Variants in DIP2A observed in about 807,000 individuals in gnomAD.
The protein encoded by DIP2A is disco-interacting protein 2 homolog A.
In DIP2A, 85 loss-of-function variants were observed where a neutral mutation model predicts 177.4. The ratio of observed to expected loss-of-function variants is 0.48; its 90% CI spans 0.40 to 0.57. DIP2A has a LOEUF of 0.57. Ranked by LOEUF, DIP2A falls within the 20% of genes least tolerant of loss-of-function variation. DIP2A has a pLI of 0.00. For synonymous variants in DIP2A, 886 were observed against 881.8 expected (o/e 1.00, Z -0.08); for missense variants, 1,791 against 2,100.2 (o/e 0.85, Z 2.88).
the DIP2A span, among the ~76,000 whole-genome samples, chr21:46,581,039 T>G: frequency 6.6e-6 from 1 of 152,216 alleles, no homozygotes; most frequent in Non-Finnish European, 1.5e-5. Context: ...GAAGTATGCT[T>G]TCCAACTTGG....
At position 46,497,081 on chromosome 21, in the gene DIP2A, C is replaced by T. The variant is rs375904809; in HGVS notation, c.377C>T (p.Ser126Leu). 82 of 1,613,646 alleles carry T rather than the reference C, an allele frequency of 5.1e-5. No individual in the cohort carries two copies. Among genetic ancestry groups the T allele is most frequent in the Non-Finnish European group, 6.4e-5 (75 of 1,179,836 alleles). ...PSKRRSVLVH[S>L]SVETYTPPDT... ...AAGAGACGTTCTGTCCTTGTGCATTCGTCTGTGGAAACCTACACCCCTCCA... is the reference window on the plus strand; with the variant it reads ...AAGAGACGTTCTGTCCTTGTGCATTTGTCTGTGGAAACCTACACCCCTCCA... Residue 126 changes from serine to leucine, a missense_variant, in exon 4 of 38, where the codon TCG becomes TTG. Ser to Leu is a moderately radical substitution (Grantham distance 145). Coordinates refer to ENST00000417564, the MANE Select transcript of DIP2A (RefSeq NM_015151.4).
intron 8 of DIP2A, among the ~76,000 whole-genome samples, chr21:46,512,895 G>C (rs2330593): frequency 6.6e-6 from 1 of 151,778 alleles, no homozygotes. Context: ...TCCTGGCTAA[G>C]GCAGTCCTCC....
chr21:46,562,409 T>C (rs972912544), intron 34 of DIP2A, among the ~76,000 whole-genome samples: 3 of 152,156 alleles, frequency 2.0e-5, no homozygotes, highest in African/African-American at 4.8e-5. Context: ...AGGCTTGATA[T>C]GAGTCGGGGA....
chr21:46,561,454 A>G (rs2060659786), intron 33 of DIP2A: 1 of 452,434 alleles, frequency 2.2e-6, no homozygotes, highest in Non-Finnish European at 4.1e-6. Context: ...CACTAGGTTT[A>G]GCTTACTGGG....
chr21:46,541,626 T>C, intron 17 of DIP2A, 130 bp from the exon 18 acceptor site: 2 of 1,043,678 alleles, frequency 1.9e-6, no homozygotes, highest in Non-Finnish European at 2.8e-6. Context: ...CTTTAGAACA[T>C]GCGTTTCTCA....
At position 46,534,651 on chromosome 21, in the gene DIP2A, T is replaced by G; in HGVS notation, c.1606T>G (p.Cys536Gly). Residue 536 changes from cysteine to glycine, a missense_variant, in exon 13 of 38, where the codon TGC (cysteine) becomes GGC (glycine). Physicochemically the swap from Cys to Gly is radical, Grantham distance 159. Transcript: ENST00000417564. Reference protein sequence around the residue: ...TVSHASLLAQCRALTQACGYS... With the variant: ...TVSHASLLAQGRALTQACGYS... The stretch of plus-strand genomic sequence containing the variant: ...GTCCCACGCATCCCTGCTGGCACAG[T>G]GCCGGGCTCTGACCCAGGCGTGCGG... The G allele has an allele frequency of 1.2e-6, 2 of 1,611,962 alleles. No individual in the cohort carries two copies. The highest frequency in any genetic ancestry group is 1.7e-6 in the Non-Finnish European group (2 of 1,179,858).
chr21:46,560,366 C>A (rs1255143506), intron 32 of DIP2A, among the ~76,000 whole-genome samples: 1 of 152,244 alleles, frequency 6.6e-6, no homozygotes, highest in Non-Finnish European at 1.5e-5. Context: ...AGGCAAGGCC[C>A]TGCCTGACAG....
intron 15 of DIP2A, among the ~76,000 whole-genome samples, chr21:46,538,246 G>A (rs2059655495): frequency 6.6e-6 from 1 of 152,292 alleles, no homozygotes; most frequent in Non-Finnish European, 1.5e-5. Flanking sequence ...GTTGGAAATG[G>A]ATCTGAGGTT....
At chr21:46,561,328 A>G (rs527498722) in intron 33 of DIP2A, 2 of 323,520 alleles carry the variant, frequency 6.2e-6, no homozygotes, top group South Asian at 5.5e-5. Context: ...ATGGTGGTGC[A>G]TACAGTGTGT....
intron 22 of DIP2A, chr21:46,550,204 C>A: frequency 2.7e-6 from 2 of 741,706 alleles, no homozygotes; most frequent in Non-Finnish European, 4.2e-6. Flanking sequence ...CCAGTCTGTG[C>A]AATATATCTC....
intron 8 of DIP2A, among the ~76,000 whole-genome samples, chr21:46,528,651 C>T (rs759094440): frequency 6.1e-5 from 9 of 147,402 alleles, no homozygotes; most frequent in South Asian, 2.2e-4. Flanking sequence ...TTCAGCCTCC[C>T]GAGCAGCTGG....
chr21:46,515,413 G>A (rs943232079), intron 8 of DIP2A, among the ~76,000 whole-genome samples: 11 of 149,182 alleles, frequency 7.4e-5, no homozygotes, highest in East Asian at 1.9e-4. Context: ...CTTTCTCAGC[G>A]TCTGCTTTGT....
intron 34 of DIP2A, among the ~76,000 whole-genome samples, chr21:46,562,314 C>T (rs768886651): frequency 1.4e-4 from 22 of 152,186 alleles, no homozygotes; most frequent in Non-Finnish European, 2.6e-4. Context: ...GACATAGGCA[C>T]AGAACAGCAT....
rs3061062 is a variant in DIP2A, at chr21:46,524,872, C to CTTTTTTTTT, written c.1103-4196_1103-4188dup. ...TTTCTTTTATGATTTTTGCTTTTTG[C>CTTTTTTTTT]TTTTTTTTTTTTTTTTTTTTTTTTT... On this transcript the variant is annotated intron_variant, in intron 8 of 37. Coordinates refer to ENST00000417564, the MANE Select transcript of DIP2A (RefSeq NM_015151.4). Among the ~76,000 whole-genome samples the CTTTTTTTTT allele has an allele frequency of 8.8e-4, 56 of 63,388 alleles. 4 individuals carry two copies. The highest frequency in any genetic ancestry group is 9.7e-4 in the African/African-American group (14 of 14,404). 41.6% of individuals were successfully genotyped at this position (63,388 alleles called of 152,430 possible).
chr21:46,473,791 T>G (rs1230427792), intron 1 of DIP2A, among the ~76,000 whole-genome samples: 1 of 152,142 alleles, frequency 6.6e-6, no homozygotes, highest in East Asian at 1.9e-4. Context: ...GCTGGAATTA[T>G]AGGCGTGAAC....
chr21:46,559,347 G>A (rs931087760), intron 32 of DIP2A, among the ~76,000 whole-genome samples: 6 of 152,320 alleles, frequency 3.9e-5, no homozygotes, highest in East Asian at 1.9e-4. Flanking sequence ...GCACCTGTCC[G>A]TGCCAGAGCA....
intron 7 of DIP2A, among the ~76,000 whole-genome samples, chr21:46,510,880 G>A (rs527790667): frequency 2.2e-4 from 34 of 152,118 alleles, no homozygotes; most frequent in African/African-American, 5.8e-4. Flanking sequence ...TGATCCACCC[G>A]CCTCGGCCTC....
intron 1 of DIP2A, among the ~76,000 whole-genome samples, chr21:46,483,992 C>T (rs546647002): frequency 7.1e-4 from 108 of 152,310 alleles, no homozygotes; most frequent in Non-Finnish European, 1.3e-3. Context: ...TTTCCTACCT[C>T]ATTCCTAGGT....
chr21:46,566,460 C>G (rs1381512720), intron 36 of DIP2A, 100 bp from the exon 37 acceptor site: 1 of 1,523,144 alleles, frequency 6.6e-7, no homozygotes, highest in East Asian at 2.3e-5. Flanking sequence ...GTTGAGACCT[C>G]CCTGTGCCTG....
Sources: allele counts gnomAD v4.1 joint callset (sites outside exome capture counted in the v4.1 genomes callset), GRCh38; gene constraint gnomAD v4.1.1; transcripts MANE v1.5; gene names NCBI Gene and HGNC (gene_info 2026-07-23, HGNC 2026-07-21).